The following CSMD1 variants were observed in gnomAD, a reference collection of about 807,000 sequenced individuals.
The protein encoded by CSMD1 is CUB and sushi domain-containing protein 1.
Under a neutral mutation model 417.5 loss-of-function variants are expected in CSMD1, and 213 were observed. The ratio of observed to expected loss-of-function variants is 0.51; its 90% CI spans 0.46 to 0.57. CSMD1 has a LOEUF of 0.57. Ranked by LOEUF, CSMD1 falls within the 20% of genes least tolerant of loss-of-function variation. The pLI, the probability that CSMD1 is intolerant of heterozygous loss-of-function variation, is 0.00. For synonymous variants in CSMD1, 2,862 were observed against 1,736.8 expected (o/e 1.65, Z -16.11); for missense variants, 6,923 against 4,529.7 (o/e 1.53, Z -15.17).
intron 2 of CSMD1, among the ~76,000 whole-genome samples, chr8:4,534,911 T>C (rs1797025889): frequency 6.6e-6 from 1 of 152,000 alleles, no homozygotes; most frequent in Non-Finnish European, 1.5e-5. Flanking sequence ...TACAGGTGCC[T>C]GCCACCACGC....
intron 10 of CSMD1, among the ~76,000 whole-genome samples, chr8:3,523,893 A>G (rs939791546): frequency 2.0e-5 from 3 of 146,512 alleles, no homozygotes; most frequent in African/African-American, 8.1e-5. Context: ...ATGCACAGAG[A>G]CATATGCACA....
At chr8:3,092,492 A>G (rs1339189940) in intron 47 of CSMD1, among the ~76,000 whole-genome samples, 1 of 152,214 alleles carries the variant, frequency 6.6e-6, no homozygotes, top group African/African-American at 2.4e-5. Context: ...GAGAGGCACA[A>G]GTGGAATTGG....
At chr8:3,965,531 C>A (rs1002553146) in intron 5 of CSMD1, among the ~76,000 whole-genome samples, 2 of 152,106 alleles carry the variant, frequency 1.3e-5, no homozygotes, top group Non-Finnish European at 2.9e-5. Context: ...AACAATAGAG[C>A]CTGAACAACT....
chr8:3,391,757 G>A (rs953516887), intron 17 of CSMD1, among the ~76,000 whole-genome samples: 6 of 152,186 alleles, frequency 3.9e-5, no homozygotes, highest in Admixed American at 2.6e-4. Context: ...TCAGCCTCGA[G>A]TACCTGTGGC....
intron 47 of CSMD1, 98 bp from the exon 48 acceptor site, chr8:3,091,760 C>T (rs1814966481): frequency 5.2e-6 from 5 of 966,240 alleles, no homozygotes; most frequent in Non-Finnish European, 7.5e-6. Flanking sequence ...TCTACGTGTG[C>T]AATACACAGA....
chr8:4,162,508 C>T (rs1037078374), intron 3 of CSMD1, among the ~76,000 whole-genome samples: 8 of 152,160 alleles, frequency 5.3e-5, no homozygotes, highest in African/African-American at 1.9e-4. Flanking sequence ...CCTCATAAAT[C>T]TAACTTGCCA....
chr8:3,797,495 C>A (rs1317116960), intron 5 of CSMD1, among the ~76,000 whole-genome samples: 1 of 151,926 alleles, frequency 6.6e-6, no homozygotes, highest in Admixed American at 6.6e-5. Context: ...TACATCTGAT[C>A]TTTAACTTTA....
At chr8:4,757,588 C>T (rs577592351) in intron 1 of CSMD1, among the ~76,000 whole-genome samples, 1 of 152,174 alleles carries the variant, frequency 6.6e-6, no homozygotes, top group Non-Finnish European at 1.5e-5. Context: ...CAATAGCCTA[C>T]AGGAGACATA....
chr8:4,513,365 G>A lies in CSMD1; in HGVS notation c.303-93300C>T, dbSNP rs530756152. 8.5e-5 allele frequency among the ~76,000 whole-genome samples: 13 copies of A among 152,200 alleles called. No individual in the cohort carries two copies. In the South Asian group the frequency reaches 2.7e-3, roughly 32 times the overall value. ...AGCAGCAAACATCGAAGCTACTATAGCGATGCTAATTTAAAGAGAAATCCT... is the reference window on the plus strand; with the variant it reads ...AGCAGCAAACATCGAAGCTACTATAACGATGCTAATTTAAAGAGAAATCCT... On this transcript the variant is annotated intron_variant, in intron 2 of 69. Transcript: ENST00000635120.
chr8:4,173,591 G>C (rs1481055715), intron 3 of CSMD1, among the ~76,000 whole-genome samples: 3 of 152,060 alleles, frequency 2.0e-5, no homozygotes, highest in East Asian at 1.9e-4. Flanking sequence ...TGATTCGCTG[G>C]GTTTAAAAGT....
At chr8:4,109,131 C>T (rs1265489289) in intron 3 of CSMD1, among the ~76,000 whole-genome samples, 1 of 152,022 alleles carries the variant, frequency 6.6e-6, no homozygotes, top group African/African-American at 2.4e-5. Flanking sequence ...ATTTATAATA[C>T]CTAATACAAT....
chr8:3,953,043 A>G (rs1239676590), intron 5 of CSMD1, among the ~76,000 whole-genome samples: 2 of 152,188 alleles, frequency 1.3e-5, no homozygotes, highest in African/African-American at 4.8e-5. Context: ...AGACAAAATT[A>G]TAATCAATGA....
At chr8:4,641,048 T>G (rs1410632956) in intron 1 of CSMD1, among the ~76,000 whole-genome samples, 3 of 150,952 alleles carry the variant, frequency 2.0e-5, no homozygotes, top group Non-Finnish European at 3.0e-5. Context: ...GATTTCAATT[T>G]CATATATATA....
chr8:3,673,439 G>A lies in CSMD1; in HGVS notation c.1009+34975C>T, dbSNP rs180915639. Among the ~76,000 whole-genome samples, 156 of 152,276 alleles carry A rather than the reference G, an allele frequency of 1.0e-3. 1 individual carries two copies. The highest frequency in any genetic ancestry group is 0.01 in the Middle Eastern group (3 of 294). On this transcript the variant is annotated intron_variant, in intron 7 of 69. Coordinates refer to ENST00000635120, the MANE Select transcript of CSMD1 (RefSeq NM_033225.6). ...AGCATCAACTCCCCTTGGTCTCTGG[G>A]TACAATGTGGCCCTGACTTATGACA... is the stretch of plus-strand genomic sequence containing the variant.
At chr8:4,625,970 C>T (rs899525900) in intron 2 of CSMD1, among the ~76,000 whole-genome samples, 63 of 152,084 alleles carry the variant, frequency 4.1e-4, no homozygotes, top group African/African-American at 1.2e-3. Context: ...GTGATCTGCC[C>T]GCCTTGGTCT....
At chr8:3,858,673 CTTTTT>C (rs35672053) in intron 5 of CSMD1, among the ~76,000 whole-genome samples, 1 of 149,684 alleles carries the variant, frequency 6.7e-6, no homozygotes. Flanking sequence ...TTCAGGAGAA[CTTTTT>C]TTTTTTCTGT....
At chr8:4,213,891 T>C (rs7833721) in intron 3 of CSMD1, among the ~76,000 whole-genome samples, 3,452 of 152,318 alleles carry the variant, frequency 0.023, 149 homozygotes, top group African/African-American at 0.078. Context: ...GTCCTACAGA[T>C]ACTAATGAAT....
chr8:3,091,461 G>A, intron 48 of CSMD1, 55 bp downstream of exon 48: 4 of 1,358,146 alleles, frequency 2.9e-6, no homozygotes, highest in Non-Finnish European at 4.0e-6. Context: ...TTTATTCAAT[G>A]AAAATCACCT....
chr8:3,979,956 A>G (rs1277467554), intron 5 of CSMD1, among the ~76,000 whole-genome samples: 3 of 152,222 alleles, frequency 2.0e-5, no homozygotes, highest in Admixed American at 2.0e-4. Flanking sequence ...GCTTCAGCCA[A>G]CACTGCCAAA....
Sources: gnomAD v4.1 joint callset for allele counts (sites outside exome capture counted in the v4.1 genomes callset) on GRCh38, gnomAD v4.1.1 for gene constraint, MANE v1.5 for transcripts, NCBI Gene and HGNC (gene_info 2026-07-23, HGNC 2026-07-21) for gene names.